The following PIEZO2 variants were observed in gnomAD, a reference collection of about 807,000 sequenced individuals.
The protein encoded by PIEZO2 is piezo type mechanosensitive ion channel component 2.
Under a neutral mutation model 337.3 loss-of-function variants are expected in PIEZO2, and 172 were observed. That is an observed-to-expected ratio of 0.51 (90% confidence interval 0.45 to 0.58). The LOEUF is 0.58. PIEZO2 is among the 20% of genes least tolerant of loss of function. The pLI, the probability that PIEZO2 is intolerant of heterozygous loss-of-function variation, is 0.00. For synonymous variants in PIEZO2, 1,251 were observed against 1,228.5 expected, an observed-to-expected ratio of 1.02 and a Z score of -0.38; for missense variants, 3,028 against 3,391.3, an observed-to-expected ratio of 0.89 and a Z score of 2.66.
At chr18:10,742,427 G>A (rs2144167576) in intron 32 of PIEZO2, 67 bp downstream of exon 32, 18 of 1,493,552 alleles carry the variant, frequency 1.2e-5, no homozygotes, top group East Asian at 2.5e-5. Flanking sequence ...TTATTTTACA[G>A]CCCTGCTCAA....
At chr18:10,812,206 C>T (rs1433937182) in intron 7 of PIEZO2, among the ~76,000 whole-genome samples, 1 of 152,192 alleles carries the variant, frequency 6.6e-6, no homozygotes, top group Non-Finnish European at 1.5e-5. Flanking sequence ...CCAATGGTAA[C>T]AAAATATGAA....
At position 10,830,833 on chromosome 18, in the gene PIEZO2, G is replaced by GA. The variant is rs1296414206; in HGVS notation, c.918-23560dup. Among the ~76,000 whole-genome samples the GA allele has an allele frequency of 3.9e-5, 6 of 151,976 alleles. No individual in the cohort carries two copies. Among genetic ancestry groups the GA allele is most frequent in the South Asian group, 2.1e-4 (1 of 4,816 alleles). On this transcript the variant is annotated intron_variant, in intron 7 of 55. Transcript: ENST00000674853. The surrounding 1 kb of genome is among the most constrained non-coding windows in gnomAD (Gnocchi z 4.7). ...ATAAGGAGTTCAAACAATTCAATAG[G>GA]AAAAAAAATCTAATAATCTGGTTAA... is the stretch of plus-strand genomic sequence containing the variant.
At chr18:10,879,059 A>T (rs1379968334) in intron 4 of PIEZO2, among the ~76,000 whole-genome samples, 1 of 152,260 alleles carries the variant, frequency 6.6e-6, no homozygotes. Flanking sequence ...GCTAAAGTCA[A>T]GAGAGTAAAT....
chr18:10,999,335 C>A (rs77406716), intron 2 of PIEZO2, among the ~76,000 whole-genome samples: 5,070 of 152,156 alleles, frequency 0.033, 148 homozygotes, highest in African/African-American at 0.072. Context: ...ATTAGAAAAA[C>A]CTAGTAAAAG....
chr18:10,900,398 A>G (rs2043015793), intron 4 of PIEZO2, among the ~76,000 whole-genome samples: 1 of 152,222 alleles, frequency 6.6e-6, no homozygotes, highest in Non-Finnish European at 1.5e-5. Context: ...CCTAAGAGCT[A>G]ACTTTTCTCG....
In PIEZO2 at chr18:10,726,097, G is replaced by T. The variant is rs373511971; in HGVS notation, c.5029+5310C>A. ...GGAGGGCTGGGGGCAATGTCAGTTC[G>T]GGAGAGTTCGTGCACGTGTGTGGGT... On this transcript the variant is annotated intron_variant, in intron 36 of 55. Transcript: ENST00000674853. The surrounding 1 kb of genome is among the most constrained non-coding windows in gnomAD (Gnocchi z 5.9). Among the ~76,000 whole-genome samples the T allele has an allele frequency of 2.6e-5, 4 of 152,232 alleles. No homozygotes were observed. Among genetic ancestry groups the T allele is most frequent in the African/African-American group, 9.6e-5 (4 of 41,550 alleles).
At chr18:11,074,427 T>A (rs2038458165) in intron 1 of PIEZO2, among the ~76,000 whole-genome samples, 1 of 152,264 alleles carries the variant, frequency 6.6e-6, no homozygotes, top group Admixed American at 6.5e-5. Context: ...CCACTATTTG[T>A]ACCTGGTTTT....
At position 10,726,831 on chromosome 18, in the gene PIEZO2, G is replaced by C; in HGVS notation, c.5029+4576C>G. ...CCCATGGGGTGCTGGATAATACCCG[G>C]ATGCCCCACCTTATGCAGGACTTGG... On this transcript the variant is annotated intron_variant, in intron 36 of 55. Coordinates refer to ENST00000674853, the MANE Select transcript of PIEZO2 (RefSeq NM_001378183.1). The surrounding 1 kb of genome is among the most constrained non-coding windows in gnomAD (Gnocchi z 5.9). 1.3e-6 allele frequency: 2 copies of C among 1,578,546 alleles called. No individual in the cohort carries two copies. The highest frequency in any genetic ancestry group is 1.7e-6 in the Non-Finnish European group (2 of 1,151,506).
intron 2 of PIEZO2, among the ~76,000 whole-genome samples, chr18:11,026,280 A>G (rs1259602890): frequency 1.3e-5 from 2 of 152,190 alleles, no homozygotes; most frequent in Non-Finnish European, 2.9e-5. Context: ...TTGTAGTCGC[A>G]TAGAGTCAGC....
chr18:11,062,778 G>A (rs2038014103), intron 2 of PIEZO2, among the ~76,000 whole-genome samples: 2 of 152,212 alleles, frequency 1.3e-5, no homozygotes, highest in South Asian at 4.1e-4. Flanking sequence ...TGGAGAGGAT[G>A]TGGAGAAATA....
Position 10,759,772 on chromosome 18 carries a change from G to A in PIEZO2, c.3588C>T (p.Cys1196=). ...AIAEIWPKYC[C]FLACIITFQY... is the part of the protein sequence containing the mutation. ...GGAAGGTGATGATGCATGCCAGGAA[G>A]CAGCAGTACTTGGGCCAGATCTCTG... The change falls in exon 25 of 56, where the codon TGC becomes TGT. Residue 1196 remains cysteine, a synonymous_variant. Transcript: ENST00000674853. This position sits in a 1 kb window ranked among gnomAD's most constrained non-coding sequence, Gnocchi z 5.5. 1 of 1,537,342 alleles carries A rather than the reference G, an allele frequency of 6.5e-7. No individual in the cohort carries two copies. Among genetic ancestry groups the A allele is most frequent in the Non-Finnish European group, 8.7e-7 (1 of 1,146,940 alleles).
chr18:10,824,254 T>C lies in PIEZO2; in HGVS notation c.918-16980A>G, dbSNP rs2040604404. 6.6e-6 allele frequency among the ~76,000 whole-genome samples: 1 copy of C among 152,146 alleles called. No homozygotes were observed. The highest frequency in any genetic ancestry group is 1.5e-5 in the Non-Finnish European group (1 of 68,010). On this transcript the variant is annotated intron_variant, in intron 7 of 55. Coordinates refer to ENST00000674853, the MANE Select transcript of PIEZO2 (RefSeq NM_001378183.1). The surrounding 1 kb of genome is among the most constrained non-coding windows in gnomAD (Gnocchi z 4.4). Reference sequence around the variant, plus strand: ...TAGCAAGAGACAAGTCTCCATAGTCTGTGGGAAAAAATGTATTTAAAATAA... The same window carrying C: ...TAGCAAGAGACAAGTCTCCATAGTCCGTGGGAAAAAATGTATTTAAAATAA...
intron 45 of PIEZO2, 99 bp downstream of exon 45, chr18:10,697,649 C>T (rs572758593): frequency 2.2e-5 from 32 of 1,448,994 alleles, no homozygotes; most frequent in South Asian, 4.2e-5. Context: ...ATTTGTGACA[C>T]GAGAAGTTAC....
Position 10,789,207 on chromosome 18 carries a change from C to T in PIEZO2, c.2041G>A (p.Ala681Thr). 6.5e-7 allele frequency: 1 copy of T among 1,537,282 alleles called. No individual in the cohort carries two copies. The highest frequency in any genetic ancestry group is 8.7e-7 in the Non-Finnish European group (1 of 1,146,920). ...TAGATCCAGTACTTGATGAACATGGCCACCACCAGATTGCCCAGGACTTTC... is the reference window on the plus strand; with the variant it reads ...TAGATCCAGTACTTGATGAACATGGTCACCACCAGATTGCCCAGGACTTTC... Reference protein sequence around the residue: ...IMKVLGNLVVAMFIKYWIYVC... With the variant: ...IMKVLGNLVVTMFIKYWIYVC... Residue 681 changes from alanine to threonine, a missense_variant, in exon 15 of 56, where the codon GCC becomes ACC. By Grantham distance (58) the Ala-to-Thr change is moderately conservative. Transcript: ENST00000674853.
At chr18:10,987,023 G>A (rs2034902198) in intron 2 of PIEZO2, among the ~76,000 whole-genome samples, 1 of 151,934 alleles carries the variant, frequency 6.6e-6, no homozygotes, top group Admixed American at 6.6e-5. Flanking sequence ...TCTGTACATT[G>A]ACTAGTATAA....
chr18:10,831,284 T>C (rs937400111), intron 7 of PIEZO2, among the ~76,000 whole-genome samples: 3 of 152,144 alleles, frequency 2.0e-5, no homozygotes, highest in Non-Finnish European at 2.9e-5. Flanking sequence ...TAAGTGTCCA[T>C]TAACAGATGA....
Position 10,759,943 on chromosome 18 carries a change from A to C in PIEZO2, c.3451-34T>G. On this transcript the variant is annotated intron_variant, in intron 24 of 55. Coordinates refer to ENST00000674853, the MANE Select transcript of PIEZO2 (RefSeq NM_001378183.1). This position sits in a 1 kb window ranked among gnomAD's most constrained non-coding sequence, Gnocchi z 5.5. The stretch of plus-strand genomic sequence containing the variant: ...AGATGAAAAGAGGCAAAAAAAAAAA[A>C]TCAGGCATATGGGAAAGGGGACTGG... The C allele has an allele frequency of 6.6e-7, 1 of 1,515,788 alleles. No homozygotes were observed. The highest frequency in any genetic ancestry group is 1.2e-5 in the South Asian group (1 of 83,588). The allele number at this position is 1,515,788 out of a possible 1,614,324, so 93.9% of individuals were successfully genotyped here. A position where few individuals can be genotyped will look rare whatever the true frequency, so the allele number is the denominator to read the frequency against.
chr18:10,742,176 CA>C (rs1394069255), intron 32 of PIEZO2, among the ~76,000 whole-genome samples: 1 of 151,912 alleles, frequency 6.6e-6, no homozygotes, highest in African/African-American at 2.4e-5. Context: ...AAAACAAAAC[CA>C]AAAAAGAAAC....
chr18:10,864,308 T>C (rs543965195), intron 5 of PIEZO2, among the ~76,000 whole-genome samples: 1 of 152,044 alleles, frequency 6.6e-6, no homozygotes, highest in Admixed American at 6.6e-5. Context: ...CAGGGTGGGA[T>C]AACAAATGAA....
Sources: gnomAD v4.1 joint callset for allele counts (sites outside exome capture counted in the v4.1 genomes callset) on GRCh38, gnomAD v4.1.1 for gene constraint, Gnocchi (gnomAD v3.1) non-coding constraint, MANE v1.5 for transcripts, NCBI Gene and HGNC (gene_info 2026-07-23, HGNC 2026-07-21) for gene names.